The following SLC4A8 variants were observed in gnomAD, a reference collection of about 807,000 sequenced individuals.
SLC4A8 encodes the protein electroneutral sodium bicarbonate exchanger 1.
SLC4A8 carries 40 observed loss-of-function variants against 125.0 expected under a neutral mutation model. The ratio of observed to expected loss-of-function variants is 0.32; its 90% CI spans 0.25 to 0.42. SLC4A8 has a LOEUF of 0.42. Among genes scored for constraint, SLC4A8 ranks in the 10% least tolerant of loss-of-function variants. The pLI is 1.00. For synonymous variants in SLC4A8, 456 were observed against 476.0 expected, an observed-to-expected ratio of 0.96 and a Z score of 0.55; for missense variants, 863 against 1,355.1, an observed-to-expected ratio of 0.64 and a Z score of 5.70.
In SLC4A8 at chr12:51,401,891, A is replaced by G. The variant is rs190029622; in HGVS notation, c.-112+10403A>G. On this transcript the variant is annotated intron_variant, in intron 1 of 24. Coordinates refer to the SLC4A8 transcript ENST00000358657. ...GCAATCCTCCCACCTCAGCCCCCTG[A>G]GTAGCTGGGAGTACAGACATGTGCA... Among the ~76,000 whole-genome samples the G allele has an allele frequency of 2.7e-4, 41 of 152,090 alleles. No individual in the cohort carries two copies. The East Asian group carries it at 7.0e-3, about 26-fold the overall frequency.
chr12:51,457,651 C>A, intron 6 of SLC4A8, 112 bp downstream of exon 6: 2 of 916,446 alleles, frequency 2.2e-6, no homozygotes, highest in Non-Finnish European at 3.3e-6. Flanking sequence ...TTTCCATGTC[C>A]ACTTAGGCAC....
intron 1 of SLC4A8, among the ~76,000 whole-genome samples, chr12:51,408,054 A>G (rs1295157131): frequency 1.3e-5 from 2 of 152,162 alleles, no homozygotes; most frequent in Non-Finnish European, 2.9e-5. Flanking sequence ...CTTCCCTATA[A>G]GGACACCAGT....
At chr12:51,459,335 T>C (rs1397213756) in intron 7 of SLC4A8, among the ~76,000 whole-genome samples, 1 of 152,176 alleles carries the variant, frequency 6.6e-6, no homozygotes, top group Admixed American at 6.5e-5. Flanking sequence ...TGGAGGAAGC[T>C]TGGGGGAATG....
upstream of SLC4A8, among the ~76,000 whole-genome samples, chr12:51,420,646 A>G (rs79528502): frequency 8.2e-3 from 1,245 of 152,340 alleles, 15 homozygotes; most frequent in African/African-American, 0.028. Flanking sequence ...CGCTTTCCCC[A>G]AAGTTTAAGA....
rs1938239253 is a variant in SLC4A8, at chr12:51,507,957, G to A, written c.*519G>A. 1 of 152,464 alleles carries A rather than the reference G, an allele frequency of 6.6e-6. No individual in the cohort carries two copies. Among genetic ancestry groups the A allele is most frequent in the East Asian group, 1.9e-4 (1 of 5,180 alleles). The allele number at this position is 152,464 out of a possible 1,614,324, so 9.4% of individuals were successfully genotyped here. ...GCCTTGGTTTGATTACCTCCCCTGG[G>A]GGATGCTGGTCAGACCCAGAGGTTG... On this transcript the variant is annotated 3_prime_UTR_variant, in exon 25 of 25. Transcript: ENST00000453097.
intron 16 of SLC4A8, among the ~76,000 whole-genome samples, chr12:51,478,042 G>T (rs898125409): frequency 6.6e-6 from 1 of 152,124 alleles, no homozygotes; most frequent in African/African-American, 2.4e-5. Context: ...TTGGGAGGCC[G>T]AGATGGGCAG....
intron 1 of SLC4A8, among the ~76,000 whole-genome samples, chr12:51,412,127 C>G (rs1948606849): frequency 6.6e-6 from 1 of 152,052 alleles, no homozygotes; most frequent in Non-Finnish European, 1.5e-5. Context: ...GCCTTTCACT[C>G]TATCAAAATT....
intron 1 of SLC4A8, chr12:51,425,336 C>T: frequency 8.1e-7 from 1 of 1,230,116 alleles, no homozygotes; most frequent in Non-Finnish European, 1.0e-6. Context: ...TCGCGTCTTT[C>T]TGTTGGAAGG....
chr12:51,502,199 A>C (rs911697148), intron 22 of SLC4A8: 1 of 152,286 alleles, frequency 6.6e-6, no homozygotes, highest in African/African-American at 2.4e-5. Flanking sequence ...TCTCTGAAAA[A>C]GAAATCATCT....
At chr12:51,416,603 G>A (rs1948692195) in intron 1 of SLC4A8, among the ~76,000 whole-genome samples, 1 of 152,048 alleles carries the variant, frequency 6.6e-6, no homozygotes, top group African/African-American at 2.4e-5. Context: ...AAATAGTGCC[G>A]CTGCACTCCA....
In SLC4A8 at chr12:51,450,938, C is replaced by G. The variant is rs776369237; in HGVS notation, c.193C>G (p.Arg65Gly). The change falls in exon 3 of 25, where the codon CGC becomes GGC. Residue 65 changes from arginine to glycine, a missense_variant. By Grantham distance (125) the Arg-to-Gly change is moderately radical (BLOSUM62 -2). Transcript: ENST00000453097. ...PLGRQSHRHH[R>G]THGQKHRRRG... ...TGGCCGGCAGAGCCATCGGCATCAC[C>G]GCACTCATGGCCAGAAGCACCGGAG... The G allele has an allele frequency of 6.2e-7, 1 of 1,608,624 alleles. No homozygotes were observed. Among genetic ancestry groups the G allele is most frequent in the African/African-American group, 1.3e-5 (1 of 74,746 alleles).
At chr12:51,450,212 T>C (rs1452790275) in intron 2 of SLC4A8, among the ~76,000 whole-genome samples, 2 of 152,112 alleles carry the variant, frequency 1.3e-5, no homozygotes, top group South Asian at 2.1e-4. Flanking sequence ...TGCTACAATG[T>C]AGAAAATAAA....
chr12:51,470,525 A>G lies in SLC4A8; in HGVS notation c.1658A>G (p.Lys553Arg). Residue 553 changes from lysine (K) to arginine (R), a missense_variant and splice_region_variant, in exon 13 of 25, where the codon AAA (lysine) becomes AGA (arginine). Coordinates refer to ENST00000453097, the MANE Select transcript of SLC4A8 (RefSeq NM_001039960.3). ...VFEKILFKFC[K>R]DYALSYLSLR... ...GAAAAGATTTTGTTCAAATTCTGCAAGTAAGACATTTGTTTTTCTGAAAAC... is the reference window on the plus strand; with the variant it reads ...GAAAAGATTTTGTTCAAATTCTGCAGGTAAGACATTTGTTTTTCTGAAAAC... The G allele has an allele frequency of 6.2e-7, 1 of 1,613,062 alleles. No homozygotes were observed. The highest frequency in any genetic ancestry group is 8.5e-7 in the Non-Finnish European group (1 of 1,179,368).
intron 24 of SLC4A8, among the ~76,000 whole-genome samples, chr12:51,506,729 C>T (rs1317580900): frequency 6.6e-6 from 1 of 152,152 alleles, no homozygotes; most frequent in African/African-American, 2.4e-5. Context: ...CCACTGCACC[C>T]GGCCGTAACT....
At chr12:51,404,662 A>G (rs1200183022) in intron 1 of SLC4A8, among the ~76,000 whole-genome samples, 1 of 152,198 alleles carries the variant, frequency 6.6e-6, no homozygotes, top group Non-Finnish European at 1.5e-5. Context: ...AGGAGAGTCA[A>G]CTTGACCGTG....
chr12:51,442,149 G>T (rs1949619269), intron 2 of SLC4A8, among the ~76,000 whole-genome samples: 1 of 152,170 alleles, frequency 6.6e-6, no homozygotes, highest in Admixed American at 6.5e-5. Context: ...CCTAATTGCA[G>T]GTGAGGCTGG....
In SLC4A8 at chr12:51,424,950, GC is replaced by G. The variant is rs1948910007; in HGVS notation, c.-37del. On this transcript the variant is annotated 5_prime_UTR_variant, in exon 1 of 25. It introduces an in-frame stop codon into an upstream open reading frame of the 5' UTR. Coordinates refer to ENST00000453097, the MANE Select transcript of SLC4A8 (RefSeq NM_001039960.3). Reference sequence around the variant, plus strand: ...AGAGGGCGCGGGCTGCTGATGCTTGGCTTGGAGCCCGTGGGGGAGACCTAGT... The same window carrying G: ...AGAGGGCGCGGGCTGCTGATGCTTGGTTGGAGCCCGTGGGGGAGACCTAGT... 3.9e-6 allele frequency: 6 copies of G among 1,549,444 alleles called. No homozygotes were observed. The highest frequency in any genetic ancestry group is 5.2e-6 in the Non-Finnish European group (6 of 1,146,292).
At chr12:51,412,059 C>T (rs1948605987) in intron 1 of SLC4A8, among the ~76,000 whole-genome samples, 1 of 151,946 alleles carries the variant, frequency 6.6e-6, no homozygotes, top group Non-Finnish European at 1.5e-5. Flanking sequence ...GAGATCCTGT[C>T]TCAAAAAAAG....
intron 2 of SLC4A8, among the ~76,000 whole-genome samples, chr12:51,446,355 C>T (rs1208112613): frequency 6.6e-6 from 1 of 152,214 alleles, no homozygotes; most frequent in East Asian, 1.9e-4. Context: ...ATCATCTTAT[C>T]CTCTAATCCT....
Sources: allele counts gnomAD v4.1 joint callset (sites outside exome capture counted in the v4.1 genomes callset), GRCh38; gene constraint gnomAD v4.1.1; transcripts MANE v1.5; gene names NCBI Gene and HGNC (gene_info 2026-07-23, HGNC 2026-07-21).